Variants in ENTREP1 observed in about 807,000 individuals in gnomAD.
The protein encoded by ENTREP1 is Friedreich ataxia region gene X123.
chr9:69,377,540 G>A, the ENTREP1 span: 8 of 1,610,558 alleles, frequency 5.0e-6, no homozygotes, highest in Admixed American at 5.0e-5. Flanking sequence ...ACCCCTTCGT[G>A]TCATCCACTG....
At chr9:69,336,573 T>C in the ENTREP1 span, among the ~76,000 whole-genome samples, 1 of 152,150 alleles carries the variant, frequency 6.6e-6, no homozygotes, top group Admixed American at 6.6e-5. Context: ...TTTAAATATA[T>C]ACAATAGTGG....
the ENTREP1 span, among the ~76,000 whole-genome samples, chr9:69,364,269 G>A: frequency 6.6e-6 from 1 of 152,238 alleles, no homozygotes; most frequent in Admixed American, 6.5e-5. Context: ...GATGAGAAAA[G>A]TCTCACAGAA....
At chr9:69,370,922 A>G in the ENTREP1 span, among the ~76,000 whole-genome samples, 1 of 152,214 alleles carries the variant, frequency 6.6e-6, no homozygotes, top group African/African-American at 2.4e-5. Flanking sequence ...GTTGACTACT[A>G]TCAATTTTTT....
the ENTREP1 span, among the ~76,000 whole-genome samples, chr9:69,364,346 A>G: frequency 6.6e-6 from 1 of 152,010 alleles, no homozygotes; most frequent in Non-Finnish European, 1.5e-5. Flanking sequence ...TAGATTTCAA[A>G]TTCAGATTTG....
chr9:69,367,797 AT>A, the ENTREP1 span, among the ~76,000 whole-genome samples: 2 of 107,800 alleles, frequency 1.9e-5, no homozygotes, highest in Non-Finnish European at 3.7e-5. Flanking sequence ...ACACATATAT[AT>A]AAATATATAT....
the ENTREP1 span, chr9:69,383,756 G>T: frequency 1.2e-6 from 2 of 1,614,146 alleles, no homozygotes; most frequent in Non-Finnish European, 1.7e-6. Flanking sequence ...TGGACCAGGA[G>T]CAGGTACTGT....
chr9:69,376,598 G>T, the ENTREP1 span, among the ~76,000 whole-genome samples: 1 of 152,090 alleles, frequency 6.6e-6, no homozygotes, highest in Non-Finnish European at 1.5e-5. Flanking sequence ...ATTTGTTTTG[G>T]GTTTCATTTT....
At chr9:69,356,652 C>A in the ENTREP1 span, among the ~76,000 whole-genome samples, 1 of 152,172 alleles carries the variant, frequency 6.6e-6, no homozygotes, top group Non-Finnish European at 1.5e-5. Context: ...GGATATGCAA[C>A]TTTGTTTACA....
chr9:69,377,426 G>C, the ENTREP1 span: 2 of 1,614,066 alleles, frequency 1.2e-6, no homozygotes, highest in Admixed American at 3.3e-5. Flanking sequence ...TCTGCTTGGT[G>C]GCCGCTGCCC....
At chr9:69,327,070 A>C in the ENTREP1 span, among the ~76,000 whole-genome samples, 3 of 152,108 alleles carry the variant, frequency 2.0e-5, no homozygotes, top group Non-Finnish European at 4.4e-5. Context: ...TTGAATAAGA[A>C]CATTAAGAAC....
chr9:69,370,673 A>G, the ENTREP1 span, among the ~76,000 whole-genome samples: 1 of 152,222 alleles, frequency 6.6e-6, no homozygotes. Flanking sequence ...TTGGAATAAC[A>G]ATAGTTAAAG....
At chr9:69,342,836 T>A in the ENTREP1 span, among the ~76,000 whole-genome samples, 1 of 152,268 alleles carries the variant, frequency 6.6e-6, no homozygotes, top group Non-Finnish European at 1.5e-5. Context: ...GGCTTCTCTG[T>A]GATCACAGTG....
chr9:69,357,486 A>G, the ENTREP1 span, among the ~76,000 whole-genome samples: 2 of 152,216 alleles, frequency 1.3e-5, no homozygotes, highest in African/African-American at 4.8e-5. Context: ...AAAGAGCAAC[A>G]GTCGGTTCTG....
chr9:69,382,082 A>C, the ENTREP1 span: 1 of 152,362 alleles, frequency 6.6e-6, no homozygotes, highest in Non-Finnish European at 1.5e-5. Flanking sequence ...GTTGGAGAGA[A>C]AAAGTCAAGT....
At chr9:69,340,643 G>GTGTGTGTGCA in the ENTREP1 span, among the ~76,000 whole-genome samples, 3 of 144,202 alleles carry the variant, frequency 2.1e-5, no homozygotes, top group Admixed American at 1.4e-4. Context: ...GTGCGTGCAT[G>GTGTGTGTGCA]TGTGTGTGCA....
At chr9:69,347,992 T>C in the ENTREP1 span, among the ~76,000 whole-genome samples, 1 of 152,254 alleles carries the variant, frequency 6.6e-6, no homozygotes, top group Non-Finnish European at 1.5e-5. Flanking sequence ...GTTTGCTTCA[T>C]GTTTGGACCA....
At chr9:69,388,340 T>G in the ENTREP1 span, 1 of 1,614,162 alleles carries the variant, frequency 6.2e-7, no homozygotes, top group Non-Finnish European at 8.5e-7. Context: ...GCAGTCCTCT[T>G]GTACCATGAC....
chr9:69,387,856 A>G, the ENTREP1 span: 2 of 1,282,910 alleles, frequency 1.6e-6, no homozygotes, highest in Non-Finnish European at 2.0e-6. Flanking sequence ...ATACCCCATG[A>G]AACTTAACCT....
At chr9:69,391,647 C>T in the ENTREP1 span, 1 of 1,614,162 alleles carries the variant, frequency 6.2e-7, no homozygotes, top group Non-Finnish European at 8.5e-7. Flanking sequence ...CACAAGCTGC[C>T]CTCGCGGAGA....
Sources: gnomAD v4.1 joint callset for allele counts (sites outside exome capture counted in the v4.1 genomes callset) on GRCh38, gnomAD v4.1.1 for gene constraint, MANE v1.5 for transcripts, NCBI Gene and HGNC (gene_info 2026-07-23, HGNC 2026-07-21) for gene names.